COMMD7: variants seen among roughly 807,000 people sequenced by gnomAD.
COMMD7 encodes the protein COMM domain-containing protein 7.
COMMD7 carries 28 observed loss-of-function variants against 34.8 expected under a neutral mutation model. The observed-to-expected ratio is 0.80, with a 90% CI of 0.60 to 1.10. The LOEUF (loss-of-function observed/expected upper bound fraction) is 1.10, where lower values mean the gene tolerates loss of function less well. Among genes scored for constraint, COMMD7 ranks in the 50% least tolerant of loss-of-function variants. COMMD7 has a pLI of 0.00. For missense variants in COMMD7, 211 were observed against 241.6 expected, an observed-to-expected ratio of 0.87 and a Z score of 0.84; for synonymous variants, 80 against 86.4, an observed-to-expected ratio of 0.93 and a Z score of 0.41.
chr20:32,717,403 G>A (rs889610801), intron 3 of COMMD7, among the ~76,000 whole-genome samples: 7 of 150,140 alleles, frequency 4.7e-5, no homozygotes, highest in South Asian at 2.1e-4. Flanking sequence ...CCAGCTCACT[G>A]CAACATCTGC....
chr20:32,742,150 G>A (rs1986481638), intron 1 of COMMD7, among the ~76,000 whole-genome samples: 1 of 151,964 alleles, frequency 6.6e-6, no homozygotes, highest in African/African-American at 2.4e-5. Context: ...TCGCGCCACT[G>A]CACTCCAGCC....
intron 3 of COMMD7, among the ~76,000 whole-genome samples, chr20:32,717,469 G>A (rs1286211367): frequency 6.6e-6 from 1 of 152,108 alleles, no homozygotes; most frequent in African/African-American, 2.4e-5. Flanking sequence ...GGGATTACAG[G>A]CATGTGCCAC....
At chr20:32,740,545 CCT>C (rs1986385509) in intron 1 of COMMD7, among the ~76,000 whole-genome samples, 1 of 151,864 alleles carries the variant, frequency 6.6e-6, no homozygotes, top group East Asian at 1.9e-4. Context: ...TAAAAGATCC[CCT>C]GTTACCTAGT....
chr20:32,729,711 G>A (rs998983109), intron 1 of COMMD7, among the ~76,000 whole-genome samples: 2 of 151,712 alleles, frequency 1.3e-5, no homozygotes, highest in Admixed American at 6.6e-5. Context: ...AGAACTGTTA[G>A]AAATAAATGT....
At chr20:32,731,513 C>A (rs1985839541) in intron 1 of COMMD7, among the ~76,000 whole-genome samples, 1 of 151,950 alleles carries the variant, frequency 6.6e-6, no homozygotes. Flanking sequence ...TCGTCCCTAT[C>A]TCTCCCTTCC....
chr20:32,731,667 G>A (rs1985849301), intron 1 of COMMD7, among the ~76,000 whole-genome samples: 1 of 152,216 alleles, frequency 6.6e-6, no homozygotes, highest in Non-Finnish European at 1.5e-5. Flanking sequence ...ACATGTCTTA[G>A]AAGAGAAGTT....
At chr20:32,725,113 CCAA>C (rs1271611719) in intron 3 of COMMD7, among the ~76,000 whole-genome samples, 6 of 151,744 alleles carry the variant, frequency 4.0e-5, no homozygotes, top group Non-Finnish European at 4.4e-5. Context: ...ACAGAAATAT[CCAA>C]CAACAGGATA....
chr20:32,735,478 G>A (rs1005114760), intron 1 of COMMD7, among the ~76,000 whole-genome samples: 7 of 151,378 alleles, frequency 4.6e-5, no homozygotes, highest in East Asian at 4.0e-4. Flanking sequence ...TACCATGCCC[G>A]GCTAATTTTT....
At chr20:32,705,901 T>C (rs1334332897) in intron 5 of COMMD7, among the ~76,000 whole-genome samples, 1 of 152,082 alleles carries the variant, frequency 6.6e-6, no homozygotes, top group African/African-American at 2.4e-5. Flanking sequence ...TCTCTCTTCA[T>C]GATATAAAAG....
intron 3 of COMMD7, among the ~76,000 whole-genome samples, chr20:32,721,820 C>T (rs574850570): frequency 2.7e-5 from 4 of 148,916 alleles, no homozygotes; most frequent in Non-Finnish European, 4.5e-5. Context: ...TGCTTGAATC[C>T]GGGAGATGGA....
chr20:32,704,342 G>C, intron 7 of COMMD7, 98 bp downstream of exon 7: 1 of 1,188,414 alleles, frequency 8.4e-7, no homozygotes, highest in Non-Finnish European at 1.2e-6. Flanking sequence ...AGGTACTTCA[G>C]TAAAACATCC....
At chr20:32,728,466 A>G (rs190129059) in intron 1 of COMMD7, among the ~76,000 whole-genome samples, 9 of 138,084 alleles carry the variant, frequency 6.5e-5, no homozygotes, top group Admixed American at 2.2e-4. Flanking sequence ...ACACACACAC[A>G]CACGCACGCA....
chr20:32,738,689 T>C (rs933053785), intron 1 of COMMD7, among the ~76,000 whole-genome samples: 1 of 152,074 alleles, frequency 6.6e-6, no homozygotes, highest in African/African-American at 2.4e-5. Context: ...CCCAAAGTGC[T>C]TGATTACAGG....
At chr20:32,732,474 G>GTA (rs1985894592) in intron 1 of COMMD7, among the ~76,000 whole-genome samples, 1 of 152,066 alleles carries the variant, frequency 6.6e-6, no homozygotes, top group Non-Finnish European at 1.5e-5. Flanking sequence ...GTTCCAAAAA[G>GTA]TAAATGTTTT....
At chr20:32,704,167 G>A in intron 7 of COMMD7, 96 bp from the exon 8 acceptor site, 1 of 1,044,098 alleles carries the variant, frequency 9.6e-7, no homozygotes, top group Non-Finnish European at 1.4e-6. Flanking sequence ...TCCAACCTGA[G>A]AGTCATACAG....
chr20:32,736,584 C>T (rs1377592528), intron 1 of COMMD7, among the ~76,000 whole-genome samples: 3 of 151,790 alleles, frequency 2.0e-5, no homozygotes, highest in Admixed American at 1.3e-4. Context: ...GCAGGAGAAT[C>T]GCTTGAACCC....
chr20:32,711,921 G>A (rs28439340), intron 3 of COMMD7, among the ~76,000 whole-genome samples: 104,439 of 150,790 alleles, frequency 0.69, 36,823 homozygotes, highest in Middle Eastern at 0.81. Context: ...GTGGTGGCTC[G>A]TGCCTGTAAT....
chr20:32,704,308 G>T, intron 7 of COMMD7, 132 bp downstream of exon 7: 1 of 874,804 alleles, frequency 1.1e-6, no homozygotes, highest in Non-Finnish European at 1.8e-6. Flanking sequence ...ATCTTTAGCT[G>T]GCCACACTGC....
rs139360134 is a variant in COMMD7, at chr20:32,713,125, T to C, written c.242-6365A>G. On this transcript the variant is annotated intron_variant, in intron 3 of 8. Transcript: ENST00000278980. ...GCACAATGGTGCAATCTCAGCTCAC[T>C]GCAACCTCCGCCTCCCAGGTGCAAG... Among the ~76,000 whole-genome samples the C allele has an allele frequency of 1.7e-3, 264 of 151,602 alleles. 3 individuals carry two copies. In the East Asian group the frequency reaches 0.033, roughly 19 times the overall value.
Sources: gnomAD v4.1 joint callset for allele counts (sites outside exome capture counted in the v4.1 genomes callset) on GRCh38, gnomAD v4.1.1 for gene constraint, MANE v1.5 for transcripts, NCBI Gene and HGNC (gene_info 2026-07-23, HGNC 2026-07-21) for gene names.